The following SLC9A9 variants were observed in gnomAD, a reference collection of about 807,000 sequenced individuals.
SLC9A9 encodes the protein solute carrier family 9 member A9, also known as sodium/hydrogen exchanger 9.
A neutral mutation model predicts 77.8 loss-of-function variants in SLC9A9; 62 were observed. The ratio of observed to expected loss-of-function variants is 0.80; its 90% CI spans 0.65 to 0.98. The LOEUF is 0.98. Among genes scored for constraint, SLC9A9 ranks in the 50% least tolerant of loss-of-function variants. The pLI is 0.00. For synonymous variants in SLC9A9, 320 were observed against 283.5 expected (o/e 1.13, Z -1.29); for missense variants, 775 against 774.9 (o/e 1.00, Z 0.00).
chr3:143,497,096 T>A (rs2035848661), intron 9 of SLC9A9, among the ~76,000 whole-genome samples: 1 of 152,222 alleles, frequency 6.6e-6, no homozygotes, highest in Admixed American at 6.5e-5. Context: ...ACAATGGGGA[T>A]TAGAGCTTCA....
intron 12 of SLC9A9, among the ~76,000 whole-genome samples, chr3:143,439,888 C>T (rs2034696451): frequency 6.6e-6 from 1 of 152,164 alleles, no homozygotes; most frequent in Admixed American, 6.5e-5. Context: ...GGTGGCCCTT[C>T]TAAAGCTCAG....
At chr3:143,445,001 A>G (rs562625617) in intron 12 of SLC9A9, among the ~76,000 whole-genome samples, 17 of 152,238 alleles carry the variant, frequency 1.1e-4, no homozygotes, top group African/African-American at 3.9e-4. Flanking sequence ...CTGAACATCT[A>G]ACTCCATAGC....
At chr3:143,406,413 T>A (rs1262614275) in intron 12 of SLC9A9, among the ~76,000 whole-genome samples, 1 of 151,934 alleles carries the variant, frequency 6.6e-6, no homozygotes, top group African/African-American at 2.4e-5. Context: ...ATCTCACTCT[T>A]GTCGCCCAAG....
In SLC9A9 at chr3:143,635,505, T is replaced by C. The variant is rs142490181; in HGVS notation, c.755+16750A>G. ...ATTGGGAATACATCTTTTTGTAGTT[T>C]ATGGCATTCAAATTGAGGTGGCACA... On this transcript the variant is annotated intron_variant, in intron 6 of 15. Transcript: ENST00000316549. Among the ~76,000 whole-genome samples, 89 of 152,348 alleles carry C rather than the reference T, an allele frequency of 5.8e-4. 1 individual carries two copies. The East Asian group carries it at 0.013, about 22-fold the overall frequency.
chr3:143,464,500 C>T (rs2035252047), intron 12 of SLC9A9, among the ~76,000 whole-genome samples: 1 of 152,202 alleles, frequency 6.6e-6, no homozygotes, highest in South Asian at 2.1e-4. Flanking sequence ...CACAGTGACT[C>T]TTCCTCTTTA....
At chr3:143,443,882 C>G (rs369631439) in intron 12 of SLC9A9, among the ~76,000 whole-genome samples, 12 of 152,258 alleles carry the variant, frequency 7.9e-5, no homozygotes, top group African/African-American at 2.9e-4. Flanking sequence ...AGACCCAGTT[C>G]TTAACCTGAG....
intron 12 of SLC9A9, among the ~76,000 whole-genome samples, chr3:143,424,363 T>A (rs577986299): frequency 9.9e-4 from 150 of 151,508 alleles, no homozygotes; most frequent in African/African-American, 3.0e-3. Flanking sequence ...GCCTCCCGGG[T>A]TCACGCCATT....
intron 4 of SLC9A9, among the ~76,000 whole-genome samples, chr3:143,698,421 C>T (rs1168033058): frequency 6.6e-6 from 1 of 152,170 alleles, no homozygotes; most frequent in African/African-American, 2.4e-5. Context: ...AGAGTAGGGA[C>T]TCACAGGATG....
chr3:143,509,969 A>T (rs1271458646), intron 9 of SLC9A9, among the ~76,000 whole-genome samples: 1 of 152,090 alleles, frequency 6.6e-6, no homozygotes, highest in Non-Finnish European at 1.5e-5. Context: ...TGCTTCCACC[A>T]CATGAATTTT....
chr3:143,427,252 A>C (rs543265057), intron 12 of SLC9A9, among the ~76,000 whole-genome samples: 1 of 152,264 alleles, frequency 6.6e-6, no homozygotes, highest in African/African-American at 2.4e-5. Flanking sequence ...ATTCATGCAC[A>C]TAACAGATCA....
At chr3:143,818,579 T>C (rs1438691000) in intron 2 of SLC9A9, among the ~76,000 whole-genome samples, 1 of 151,990 alleles carries the variant, frequency 6.6e-6, no homozygotes, top group East Asian at 1.9e-4. Flanking sequence ...AGTGCTGGGA[T>C]TACAGGTGTG....
intron 14 of SLC9A9, among the ~76,000 whole-genome samples, chr3:143,321,304 A>G (rs2031411704): frequency 6.6e-6 from 1 of 152,236 alleles, no homozygotes; most frequent in African/African-American, 2.4e-5. Context: ...GCAAGGCAGT[A>G]TGTTTTTAAT....
chr3:143,424,512 C>T (rs916692090), intron 12 of SLC9A9, among the ~76,000 whole-genome samples: 1 of 151,868 alleles, frequency 6.6e-6, no homozygotes, highest in Non-Finnish European at 1.5e-5. Flanking sequence ...CTCCTGACCT[C>T]ATGATCCACC....
At position 143,790,322 on chromosome 3, in the gene SLC9A9, A is replaced by G. The variant is rs886741048; in HGVS notation, c.533+4679T>C. Among the ~76,000 whole-genome samples the G allele has an allele frequency of 2.0e-5, 3 of 152,350 alleles. No individual in the cohort carries two copies. In the East Asian group the frequency reaches 5.8e-4, roughly 29 times the overall value. ...GAATGGACTAATACATTAAGCAAGT[A>G]AAATGGATTCGTACCATTCCTCCAA... On this transcript the variant is annotated intron_variant, in intron 4 of 15. Coordinates refer to ENST00000316549, the MANE Select transcript of SLC9A9 (RefSeq NM_173653.4).
intron 14 of SLC9A9, among the ~76,000 whole-genome samples, chr3:143,319,130 C>A (rs964128734): frequency 1.6e-4 from 25 of 152,208 alleles, no homozygotes; most frequent in Middle Eastern, 3.2e-3. Flanking sequence ...GGAGCTCATT[C>A]ATTGCAGATC....
At chr3:143,734,787 T>A (rs532118858) in intron 4 of SLC9A9, among the ~76,000 whole-genome samples, 74 of 150,318 alleles carry the variant, frequency 4.9e-4, no homozygotes, top group Non-Finnish European at 9.4e-4. Flanking sequence ...GATTCATCAA[T>A]GTGTTCAATG....
At chr3:143,363,006 T>A (rs1368112872) in intron 14 of SLC9A9, among the ~76,000 whole-genome samples, 1 of 152,232 alleles carries the variant, frequency 6.6e-6, no homozygotes, top group Non-Finnish European at 1.5e-5. Flanking sequence ...CCATTTATTT[T>A]TGTTCCCTGT....
chr3:143,371,989 T>C, intron 13 of SLC9A9: 1 of 416,090 alleles, frequency 2.4e-6, no homozygotes, highest in Non-Finnish European at 4.8e-6. Flanking sequence ...AAAGATAAAA[T>C]ACCTAGGAAT....
At chr3:143,769,397 C>T (rs757279834) in intron 4 of SLC9A9, among the ~76,000 whole-genome samples, 42 of 152,116 alleles carry the variant, frequency 2.8e-4, no homozygotes, top group Non-Finnish European at 5.0e-4. Flanking sequence ...TTAACATTAG[C>T]CAAAACAAGC....
Sources: allele counts gnomAD v4.1 joint callset (sites outside exome capture counted in the v4.1 genomes callset), GRCh38; gene constraint gnomAD v4.1.1; transcripts MANE v1.5; gene names NCBI Gene and HGNC (gene_info 2026-07-23, HGNC 2026-07-21).